Variants in CC2D2A observed in about 807,000 individuals in gnomAD.
CC2D2A encodes coiled-coil and C2 domain containing 2A.
In CC2D2A, 155 loss-of-function variants were observed where a neutral mutation model predicts 212.9. The ratio of observed to expected loss-of-function variants is 0.73; its 90% confidence interval spans 0.64 to 0.83. The LOEUF (loss-of-function observed/expected upper bound fraction) is 0.83. Among genes scored for constraint, CC2D2A ranks in the 40% least tolerant of loss-of-function variants. The pLI is 0.00. For synonymous variants in CC2D2A, 667 were observed against 686.5 expected (o/e 0.97, Z 0.44); for missense variants, 1,856 against 1,956.2 (o/e 0.95, Z 0.97).
chr4:15,482,254 C>T, intron 4 of CC2D2A: 1 of 984,606 alleles, frequency 1.0e-6, no homozygotes, highest in Middle Eastern at 5.2e-4. Flanking sequence ...AAAAACAGAA[C>T]CAAAATTTAT....
Position 15,500,077 on chromosome 4 carries a change from G to T in CC2D2A, c.248-2352G>T, listed in dbSNP as rs1016782347. 3.6e-4 allele frequency among the ~76,000 whole-genome samples: 20 copies of T among 55,876 alleles called. No homozygotes were observed. The South Asian group carries it at 0.01, about 28-fold the overall frequency. The allele number at this position is 55,876 out of a possible 152,430, so 36.7% of individuals were successfully genotyped here. ...AAGTGTACTTACACAAACCTAGATT[G>T]TGTGTGTGTGTGTGTGTGTGTGTGT... On this transcript the variant is annotated intron_variant, in intron 4 of 36. Coordinates refer to ENST00000424120, the MANE Select transcript of CC2D2A (RefSeq NM_001378615.1).
chr4:15,553,162 G>A lies in CC2D2A; in HGVS notation c.2343G>A (p.Val781=). ...TLDHEGVGSG[V]PFSFEADGSN... ...TTTAATCTGGTGTTTCCCCAGGAGT[G>A]CCCTTCTCATTTGAAGCTGATGGCA... Residue 781 remains valine (V), a synonymous_variant, in exon 19 of 37, where the codon GTG becomes GTA. Coordinates refer to ENST00000424120, the MANE Select transcript of CC2D2A (RefSeq NM_001378615.1). 1 of 1,600,356 alleles carries A rather than the reference G, an allele frequency of 6.2e-7. No homozygotes were observed. Among genetic ancestry groups the A allele is most frequent in the African/African-American group, 1.3e-5 (1 of 74,282 alleles).
intron 4 of CC2D2A, among the ~76,000 whole-genome samples, chr4:15,497,060 T>C (rs1715657251): frequency 6.6e-6 from 1 of 152,182 alleles, no homozygotes; most frequent in Admixed American, 6.6e-5. Context: ...TAGAAAAAAC[T>C]ATTATAAAAT....
chr4:15,470,118 G>A (rs1445292488), intron 1 of CC2D2A, 61 bp downstream of exon 1: 2 of 152,162 alleles, frequency 1.3e-5, no homozygotes, highest in East Asian at 1.9e-4. Flanking sequence ...TCAGTTACCC[G>A]GCTTGAAGTT....
chr4:15,601,383 G>T lies in CC2D2A; in HGVS notation c.4821G>T (p.Leu1607Phe). 6.3e-7 allele frequency: 1 copy of T among 1,575,474 alleles called. No individual in the cohort carries two copies. The highest frequency in any genetic ancestry group is 8.6e-7 in the Non-Finnish European group (1 of 1,157,600). The change falls in exon 37 of 37, where the codon TTG (leucine) becomes TTT (phenylalanine). Residue 1607 changes from leucine (L) to phenylalanine (F), a missense_variant. Physicochemically the swap from Leu to Phe is conservative, Grantham distance 22. Coordinates refer to ENST00000424120, the MANE Select transcript of CC2D2A (RefSeq NM_001378615.1). ...TACACCCATACCCCAAAAATGTTTTGTCTGTTTGGATCTATGTTGCCTCTC... is the reference window on the plus strand; with the variant it reads ...TACACCCATACCCCAAAAATGTTTTTTCTGTTTGGATCTATGTTGCCTCTC... ...VYIHPYPKNV[L>F]SVWIYVASLI...
chr4:15,562,292 T>C (rs1719647151), intron 23 of CC2D2A, among the ~76,000 whole-genome samples: 1 of 152,244 alleles, frequency 6.6e-6, no homozygotes, highest in Non-Finnish European at 1.5e-5. Context: ...CATTATAGCC[T>C]GTGGCCAGCT....
intron 26 of CC2D2A, 88 bp from the exon 27 acceptor site, chr4:15,569,205 T>C: frequency 1.4e-6 from 1 of 705,510 alleles, no homozygotes; most frequent in East Asian, 2.7e-5. Context: ...ATGCTCATAT[T>C]TGGGTATTTT....
At chr4:15,573,421 G>T (rs1720256779) in intron 28 of CC2D2A, among the ~76,000 whole-genome samples, 1 of 152,170 alleles carries the variant, frequency 6.6e-6, no homozygotes, top group Non-Finnish European at 1.5e-5. Context: ...CTCCCAAGTA[G>T]CTGGGACCAC....
At chr4:15,512,602 G>A (rs1716630096) in intron 8 of CC2D2A, among the ~76,000 whole-genome samples, 1 of 152,222 alleles carries the variant, frequency 6.6e-6, no homozygotes. Flanking sequence ...AAGATGGATG[G>A]ATGGTGGTAA....
In CC2D2A at chr4:15,528,468, A is replaced by G. The variant is rs73798607; in HGVS notation, c.1360-152A>G. Among the ~76,000 whole-genome samples, 711 of 152,348 alleles carry G rather than the reference A, an allele frequency of 4.7e-3. 9 individuals carry two copies. Among genetic ancestry groups the G allele is most frequent in the African/African-American group, 0.016 (676 of 41,580 alleles). ...AACAGTTCTCCATCATAATTCATTT[A>G]TGTGAAAGTCTGGAGACAGCCAGAT... On this transcript the variant is annotated intron_variant, in intron 12 of 36. Transcript: ENST00000424120.
In CC2D2A at chr4:15,599,711, G is replaced by A. The variant is rs1013013641; in HGVS notation, c.4674+5G>A. The A allele has an allele frequency of 1.3e-6, 2 of 1,592,014 alleles. No individual in the cohort carries two copies. Among genetic ancestry groups the A allele is most frequent in the African/African-American group, 2.7e-5 (2 of 74,644 alleles). On this transcript the variant is annotated splice_donor_5th_base_variant and intron_variant, in intron 36 of 36. Coordinates refer to ENST00000424120, the MANE Select transcript of CC2D2A (RefSeq NM_001378615.1). ...AAACAGCTGGGAGACTACAGGGTAA[G>A]TTACAAATGGATCCTAAACTGACTG...
chr4:15,493,993 A>C (rs1353659180), intron 4 of CC2D2A, among the ~76,000 whole-genome samples: 1 of 152,200 alleles, frequency 6.6e-6, no homozygotes, highest in African/African-American at 2.4e-5. Flanking sequence ...ACACACACTT[A>C]ACCTAGCATT....
rs767588632 is a variant in CC2D2A at position 15,553,178 on chromosome 4, G to A, written c.2359G>A (p.Ala787Thr). Residue 787 changes from alanine to threonine, a missense_variant, in exon 19 of 37, where the codon GCT becomes ACT. Around this residue, in one of 5 missense-constraint regions of CC2D2A, gnomAD observed 1,512 missense variants for 1,579.3 expected, o/e 0.96. Coordinates refer to ENST00000424120, the MANE Select transcript of CC2D2A (RefSeq NM_001378615.1). The stretch of plus-strand genomic sequence containing the variant: ...CCCAGGAGTGCCCTTCTCATTTGAA[G>A]CTGATGGCAGTAACCAGCTGACTCT... The part of the protein sequence containing the change: ...VGSGVPFSFE[A>T]DGSNQLTLMT... 1.9e-6 allele frequency: 3 copies of A among 1,603,468 alleles called. No individual in the cohort carries two copies. The highest frequency in any genetic ancestry group is 2.6e-6 in the Non-Finnish European group (3 of 1,176,304).
chr4:15,533,290 T>A lies in CC2D2A; in HGVS notation c.1564T>A (p.Phe522Ile). Residue 522 changes from phenylalanine (F) to isoleucine (I), a missense_variant, in exon 14 of 37, where the codon TTC becomes ATC. By Grantham distance (21) the Phe-to-Ile change is conservative. Coordinates refer to ENST00000424120, the MANE Select transcript of CC2D2A (RefSeq NM_001378615.1). ...GAAAGAGATGAAATCCCTTCGAGAG[T>A]TCCAGAGATTTACAAATACTCCCTT... Reference protein sequence around the residue: ...VWKEMKSLREFQRFTNTPLKL... With the variant: ...VWKEMKSLREIQRFTNTPLKL... The A allele has an allele frequency of 6.3e-7, 1 of 1,590,004 alleles. No individual in the cohort carries two copies. The highest frequency in any genetic ancestry group is 8.6e-7 in the Non-Finnish European group (1 of 1,169,506).
At chr4:15,581,877 C>G (rs529788319) in intron 30 of CC2D2A, among the ~76,000 whole-genome samples, 1 of 151,868 alleles carries the variant, frequency 6.6e-6, no homozygotes, top group Non-Finnish European at 1.5e-5. Flanking sequence ...AACTCAGCCT[C>G]AAAAAAATTC....
At chr4:15,484,339 A>G (rs768335838) in intron 4 of CC2D2A, among the ~76,000 whole-genome samples, 6 of 152,184 alleles carry the variant, frequency 3.9e-5, no homozygotes, top group Non-Finnish European at 5.9e-5. Context: ...AAAAAAATAA[A>G]ATCAGAAGGG....
intron 33 of CC2D2A, among the ~76,000 whole-genome samples, chr4:15,594,669 C>G (rs1051686070): frequency 1.3e-5 from 2 of 152,138 alleles, no homozygotes; most frequent in African/African-American, 4.8e-5. Flanking sequence ...TGTATTTTTT[C>G]TCTTTTAGTG....
In CC2D2A at chr4:15,480,685, T is replaced by C. The variant is rs1474799195; in HGVS notation, c.124-19T>C. 6.2e-7 allele frequency: 1 copy of C among 1,604,326 alleles called. No individual in the cohort carries two copies. Among genetic ancestry groups the C allele is most frequent in the Admixed American group, 1.7e-5 (1 of 58,482 alleles). On this transcript the variant is annotated intron_variant, in intron 3 of 36. Transcript: ENST00000424120. ...ATAAAGTCCTGGGAGTCTCTGAACC[T>C]CTGACCTTCTTCCTCCAGCCACCAA...
chr4:15,493,208 T>G (rs1257690617), intron 4 of CC2D2A, among the ~76,000 whole-genome samples: 2 of 152,164 alleles, frequency 1.3e-5, no homozygotes, highest in Non-Finnish European at 2.9e-5. Flanking sequence ...CACCTGTTCT[T>G]AAGTCACCTG....
Sources: allele counts gnomAD v4.1 joint callset (sites outside exome capture counted in the v4.1 genomes callset), GRCh38; gene constraint gnomAD v4.1.1; regional missense constraint gnomAD v4.1.1; transcripts MANE v1.5; gene names NCBI Gene and HGNC (gene_info 2026-07-23, HGNC 2026-07-21).